The following LATS1 variants were observed in gnomAD, a reference collection of about 807,000 sequenced individuals.
LATS1 encodes large tumor suppressor kinase 1, also known as serine/threonine-protein kinase LATS1.
Under a neutral mutation model 106.6 loss-of-function variants are expected in LATS1, and 25 were observed. The ratio of observed to expected loss-of-function variants is 0.23; its 90% confidence interval spans 0.17 to 0.33. The LOEUF (loss-of-function observed/expected upper bound fraction) is 0.33, where lower values mean the gene tolerates loss of function less well. Among genes scored for constraint, LATS1 ranks in the 10% least tolerant of loss-of-function variants. The probability of loss-of-function intolerance (pLI) is 1.00; values close to 1 mark genes in which losing one functional copy is unlikely to be tolerated. For missense variants in LATS1, 1,040 were observed against 1,382.6 expected, an observed-to-expected ratio of 0.75 and a Z score of 3.93; for synonymous variants, 465 against 455.6, an observed-to-expected ratio of 1.02 and a Z score of -0.26.
At chr6:149,680,543 T>C (rs1781979521) in intron 4 of LATS1, 86 bp from the exon 5 acceptor site, 3 of 924,890 alleles carry the variant, frequency 3.2e-6, no homozygotes, top group Middle Eastern at 2.6e-4. Context: ...TTCAGGCATA[T>C]ATTTAAAGGT....
intron 7 of LATS1, among the ~76,000 whole-genome samples, chr6:149,671,013 C>T (rs1781419439): frequency 6.6e-6 from 1 of 151,820 alleles, no homozygotes; most frequent in Admixed American, 6.6e-5. Flanking sequence ...AGATTTTCTC[C>T]TATGTTTTCT....
intron 7 of LATS1, among the ~76,000 whole-genome samples, chr6:149,668,307 A>G (rs1781265785): frequency 6.6e-6 from 1 of 152,092 alleles, no homozygotes; most frequent in Admixed American, 6.5e-5. Flanking sequence ...CACTTGCTCT[A>G]AAGTATCTGC....
intron 1 of LATS1, among the ~76,000 whole-genome samples, chr6:149,708,415 A>G: frequency 2.3e-5 from 1 of 43,472 alleles, no homozygotes; most frequent in Non-Finnish European, 3.8e-5. Context: ...ACTGGATCTC[A>G]AAAAAAAAAA....
intron 2 of LATS1, chr6:149,697,156 T>C (rs569283901): frequency 7.4e-7 from 1 of 1,345,282 alleles, no homozygotes; most frequent in South Asian, 1.1e-5. Flanking sequence ...GTAAGACTAA[T>C]GGGTGAACAG....
At chr6:149,707,173 G>T (rs958911472) in intron 1 of LATS1, among the ~76,000 whole-genome samples, 2 of 151,668 alleles carry the variant, frequency 1.3e-5, no homozygotes, top group Non-Finnish European at 2.9e-5. Flanking sequence ...GTACCACCAC[G>T]CCAGGCTAAT....
At chr6:149,695,292 CTA>C in intron 2 of LATS1, 71 bp from the exon 3 acceptor site, 6 of 926,878 alleles carry the variant, frequency 6.5e-6, no homozygotes, top group Non-Finnish European at 9.7e-6. Flanking sequence ...GGAAAGAACA[CTA>C]TGAGTTCCAC....
Position 149,679,913 on chromosome 6 carries a change from C to T in LATS1, c.2555G>A (p.Gly852Asp). 6.2e-7 allele frequency: 1 copy of T among 1,610,814 alleles called. No homozygotes were observed. Among genetic ancestry groups the T allele is most frequent in the Non-Finnish European group, 8.5e-7 (1 of 1,178,422 alleles). Residue 852 changes from glycine to aspartate, a missense_variant, in exon 5 of 8, where the codon GGC (glycine) becomes GAC (aspartate). Physicochemically the swap from Gly to Asp is moderately conservative, Grantham distance 94 (BLOSUM62 -1). This residue lies in a region of LATS1 where 167 missense variants were observed against 332.1 expected (regional missense o/e 0.50). Transcript: ENST00000543571. The stretch of plus-strand genomic sequence containing the variant: ...CTTAGAATCGTGTGTCCATCTGAAG[C>T]CAGTGCAGAGGCCAAAGTCAGTCAA... ...IKLTDFGLCT[G>D]FRWTHDSKYY...
chr6:149,702,043 C>T lies in LATS1; in HGVS notation c.84G>A (p.Arg28=), dbSNP rs984719776. ...FPASNYTVSS[R]QMLQEIRESL... Reference sequence around the variant, plus strand: ...ATTCCCGAATTTCTTGTAACATTTGCCGGCTACTGACAGTATAGTTACTGG... The same window carrying T: ...ATTCCCGAATTTCTTGTAACATTTGTCGGCTACTGACAGTATAGTTACTGG... The change falls in exon 2 of 8, where the codon CGG becomes CGA. Residue 28 remains arginine, a synonymous_variant. Coordinates refer to ENST00000543571, the MANE Select transcript of LATS1 (RefSeq NM_004690.4). 1 of 1,613,942 alleles carries T rather than the reference C, an allele frequency of 6.2e-7. No homozygotes were observed. Among genetic ancestry groups the T allele is most frequent in the Non-Finnish European group, 8.5e-7 (1 of 1,180,002 alleles).
At chr6:149,665,912 T>G (rs1017744118) in intron 7 of LATS1, among the ~76,000 whole-genome samples, 1 of 151,244 alleles carries the variant, frequency 6.6e-6, no homozygotes, top group African/African-American at 2.4e-5. Context: ...GAGGCCAAGG[T>G]AGGCAGATCA....
At chr6:149,676,813 T>C in intron 5 of LATS1, 76 bp from the exon 6 acceptor site, 1 of 1,360,188 alleles carries the variant, frequency 7.4e-7, no homozygotes, top group Non-Finnish European at 1.0e-6. Flanking sequence ...TCTTCTGACA[T>C]CGTGGTTTAG....
At chr6:149,695,004 G>A in intron 3 of LATS1, 70 bp downstream of exon 3, 1 of 1,257,820 alleles carries the variant, frequency 8.0e-7, no homozygotes, top group Non-Finnish European at 1.1e-6. Context: ...AGGAAGATTT[G>A]ATAGACTTCA....
intron 1 of LATS1, among the ~76,000 whole-genome samples, chr6:149,715,807 C>T (rs1784353395): frequency 6.6e-6 from 1 of 152,176 alleles, no homozygotes; most frequent in African/African-American, 2.4e-5. Context: ...TACTAAATCT[C>T]AACAATCTTT....
At chr6:149,673,584 C>T (rs370466589) in intron 7 of LATS1, among the ~76,000 whole-genome samples, 2 of 151,836 alleles carry the variant, frequency 1.3e-5, no homozygotes, top group African/African-American at 4.9e-5. Flanking sequence ...TCAGACATAC[C>T]TGAGACAAAC....
intron 3 of LATS1, among the ~76,000 whole-genome samples, chr6:149,693,359 C>G (rs559154698): frequency 1.3e-4 from 19 of 151,878 alleles, no homozygotes; most frequent in African/African-American, 3.4e-4. Flanking sequence ...TACCTGTAAT[C>G]CCAGCACTTT....
At chr6:149,712,967 C>G (rs1784187614) in intron 1 of LATS1, among the ~76,000 whole-genome samples, 1 of 152,016 alleles carries the variant, frequency 6.6e-6, no homozygotes, top group South Asian at 2.1e-4. Flanking sequence ...TACACTCCAG[C>G]CCGGGCATCA....
At position 149,680,476 on chromosome 6, in the gene LATS1, T is replaced by C; in HGVS notation, c.2011-19A>G. The stretch of plus-strand genomic sequence containing the variant: ...ATCCAACCTAGGCAAATAAACTAGA[T>C]GTTAAATAAGAATTATCTTCTTCAA... On this transcript the variant is annotated intron_variant, in intron 4 of 7. Transcript: ENST00000543571. 1 of 1,497,468 alleles carries C rather than the reference T, an allele frequency of 6.7e-7. No individual in the cohort carries two copies. Among genetic ancestry groups the C allele is most frequent in the Admixed American group, 2.1e-5 (1 of 48,082 alleles). The allele number at this position is 1,497,468 out of a possible 1,614,324, so 92.8% of individuals were successfully genotyped here.
intron 7 of LATS1, among the ~76,000 whole-genome samples, chr6:149,669,202 C>T (rs893360824): frequency 1.3e-5 from 2 of 151,702 alleles, no homozygotes; most frequent in South Asian, 2.1e-4. Flanking sequence ...GGCGCCATCT[C>T]GGCTCACTTC....
At chr6:149,693,003 G>A (rs150467898) in intron 3 of LATS1, among the ~76,000 whole-genome samples, 2,315 of 151,774 alleles carry the variant, frequency 0.015, 41 homozygotes, top group African/African-American at 0.029. Flanking sequence ...GGTGGCTCAC[G>A]CCTATAATCC....
intron 7 of LATS1, among the ~76,000 whole-genome samples, chr6:149,667,370 T>G (rs974305097): frequency 9.0e-5 from 12 of 133,470 alleles, no homozygotes; most frequent in African/African-American, 3.5e-4. Flanking sequence ...GAGCTTGAGC[T>G]GGAGGTTGCA....
Sources: allele counts gnomAD v4.1 joint callset (sites outside exome capture counted in the v4.1 genomes callset), GRCh38; gene constraint gnomAD v4.1.1; regional missense constraint gnomAD v4.1.1; transcripts MANE v1.5; gene names NCBI Gene and HGNC (gene_info 2026-07-23, HGNC 2026-07-21).